The following NUTF2 variants were observed in gnomAD, a reference collection of about 807,000 sequenced individuals.
The protein encoded by NUTF2 is placental protein 15.
NUTF2 carries 3 observed loss-of-function variants against 18.5 expected under a neutral mutation model. The ratio of observed to expected loss-of-function variants is 0.16; its 90% CI spans 0.07 to 0.42. The LOEUF is 0.42. NUTF2 is among the 10% of genes least tolerant of loss of function. NUTF2 has a pLI of 0.99. For synonymous variants in NUTF2, 51 were observed against 57.9 expected (o/e 0.88, Z 0.54); for missense variants, 44 against 160.7 (o/e 0.27, Z 3.93).
chr16:67,848,770 A>AT (rs1284679851), intron 1 of NUTF2, among the ~76,000 whole-genome samples: 2 of 151,226 alleles, frequency 1.3e-5, no homozygotes, highest in Non-Finnish European at 3.0e-5. Flanking sequence ...AAAAAAAAAA[A>AT]GCAGCAGCAG....
chr16:67,864,440 C>T (rs951333541), intron 1 of NUTF2, among the ~76,000 whole-genome samples: 4 of 142,798 alleles, frequency 2.8e-5, no homozygotes, highest in Non-Finnish European at 6.0e-5. Flanking sequence ...GCCCAGGGAG[C>T]GGAGGTTGCA....
chr16:67,848,340 T>C (rs549889690), intron 1 of NUTF2, among the ~76,000 whole-genome samples: 2 of 152,262 alleles, frequency 1.3e-5, no homozygotes, highest in East Asian at 3.9e-4. Flanking sequence ...CCCAGCACTT[T>C]GGGAGGCCAA....
intron 1 of NUTF2, among the ~76,000 whole-genome samples, chr16:67,858,017 G>A (rs1188275822): frequency 1.3e-5 from 2 of 152,206 alleles, no homozygotes; most frequent in East Asian, 3.8e-4. Flanking sequence ...TTTGAGGGCT[G>A]GGCCAGGTAC....
rs372570076 is a variant in NUTF2, at chr16:67,868,509, G to A, written c.180G>A (p.Pro60=). 66 of 1,613,902 alleles carry A rather than the reference G, an allele frequency of 4.1e-5. No homozygotes were observed. In the Middle Eastern group the frequency reaches 8.2e-4, roughly 20 times the overall value. ...CACTCTCTCTCTTGTAGAGCCTTCC[G>A]TTCCAGAAAATTCAGCACAGCATCA... ...AAIVEKLSSL[P]FQKIQHSITA... is the part of the protein sequence containing the mutation. Residue 60 remains proline (P), a synonymous_variant, in exon 4 of 5, where the codon CCG becomes CCA. Coordinates refer to ENST00000219169, the MANE Select transcript of NUTF2 (RefSeq NM_005796.3).
At chr16:67,863,658 A>T (rs2057949484) in intron 1 of NUTF2, among the ~76,000 whole-genome samples, 1 of 152,208 alleles carries the variant, frequency 6.6e-6, no homozygotes, top group South Asian at 2.1e-4. Flanking sequence ...GACTTGCATC[A>T]GATCCCACCA....
At chr16:67,865,356 G>T in intron 2 of NUTF2, 127 bp downstream of exon 2, 1 of 639,812 alleles carries the variant, frequency 1.6e-6, no homozygotes, top group Non-Finnish European at 2.8e-6. Flanking sequence ...CTGAACTTTT[G>T]TCCACGGGAC....
intron 1 of NUTF2, among the ~76,000 whole-genome samples, chr16:67,859,241 G>A (rs1390567031): frequency 6.6e-6 from 1 of 151,466 alleles, no homozygotes; most frequent in African/African-American, 2.4e-5. Flanking sequence ...GTGCAGTGGG[G>A]TGTTCTCAGC....
intron 1 of NUTF2, among the ~76,000 whole-genome samples, chr16:67,851,606 C>T (rs894564374): frequency 5.3e-5 from 8 of 152,064 alleles, no homozygotes; most frequent in Non-Finnish European, 4.4e-5. Flanking sequence ...GTGCTGCACC[C>T]ATTAACTCGT....
chr16:67,850,782 T>C (rs561181143), intron 1 of NUTF2, among the ~76,000 whole-genome samples: 57 of 152,198 alleles, frequency 3.7e-4, no homozygotes, highest in Middle Eastern at 3.4e-3. Context: ...TGTCCCTTCG[T>C]GTATAGGAGC....
chr16:67,847,449 C>T (rs1157684292), intron 1 of NUTF2: 2 of 152,346 alleles, frequency 1.3e-5, no homozygotes, highest in Admixed American at 6.5e-5. Context: ...GCTCCAGAGT[C>T]AGCATGGGTA....
At chr16:67,862,860 T>C (rs1426044584) in intron 1 of NUTF2, among the ~76,000 whole-genome samples, 1 of 152,158 alleles carries the variant, frequency 6.6e-6, no homozygotes, top group African/African-American at 2.4e-5. Flanking sequence ...GCTGGTGCTG[T>C]TTCTTCTGGT....
At chr16:67,861,960 G>A (rs2057938020) in intron 1 of NUTF2, among the ~76,000 whole-genome samples, 1 of 152,112 alleles carries the variant, frequency 6.6e-6, no homozygotes, top group African/African-American at 2.4e-5. Context: ...GGTGGGGATC[G>A]CAGGAGGGGA....
At chr16:67,867,027 A>C (rs1391643203) in intron 2 of NUTF2, among the ~76,000 whole-genome samples, 1 of 149,760 alleles carries the variant, frequency 6.7e-6, no homozygotes, top group Non-Finnish European at 1.5e-5. Flanking sequence ...ACTGGAGTGC[A>C]TTCATGCGAT....
chr16:67,862,331 T>A (rs1234033838), intron 1 of NUTF2, among the ~76,000 whole-genome samples: 1 of 152,116 alleles, frequency 6.6e-6, no homozygotes, highest in African/African-American at 2.4e-5. Context: ...TACTTGGAAA[T>A]AAACACAAGA....
intron 1 of NUTF2, among the ~76,000 whole-genome samples, chr16:67,848,316 C>T (rs1418750644): frequency 6.6e-6 from 1 of 152,220 alleles, no homozygotes; most frequent in African/African-American, 2.4e-5. Flanking sequence ...GGCGCGGTGG[C>T]TCACGCCTGC....
At chr16:67,856,557 G>T (rs1420576303) in intron 1 of NUTF2, among the ~76,000 whole-genome samples, 2 of 149,648 alleles carry the variant, frequency 1.3e-5, no homozygotes, top group Non-Finnish European at 3.0e-5. Flanking sequence ...TGCCCAGGCT[G>T]GAGTGCAGTG....
chr16:67,853,278 ACCT>A (rs1331621821), intron 1 of NUTF2, among the ~76,000 whole-genome samples: 1 of 151,238 alleles, frequency 6.6e-6, no homozygotes, highest in Non-Finnish European at 1.5e-5. Flanking sequence ...TGCAGCCTTG[ACCT>A]CCTGGGCTCA....
At chr16:67,864,190 T>G (rs2057953077) in intron 1 of NUTF2, among the ~76,000 whole-genome samples, 2 of 152,140 alleles carry the variant, frequency 1.3e-5, no homozygotes, top group African/African-American at 4.8e-5. Context: ...CCCATGAGAC[T>G]AAGGGATCAC....
rs1414521720 is a variant in NUTF2, at chr16:67,856,521, T to G, written c.-29-8581T>G. On this transcript the variant is annotated intron_variant, in intron 1 of 4. Coordinates refer to ENST00000219169, the MANE Select transcript of NUTF2 (RefSeq NM_005796.3). ...TTTTTTTTTTTTGCTTTTGTTTTCC[T>G]TTTTGAGTCGGAGTTTTGCTCTCGT... Among the ~76,000 whole-genome samples the G allele has an allele frequency of 2.7e-5, 4 of 146,986 alleles. No homozygotes were observed. The South Asian group carries it at 8.8e-4, about 32-fold the overall frequency.
Sources: allele counts gnomAD v4.1 joint callset (sites outside exome capture counted in the v4.1 genomes callset), GRCh38; gene constraint gnomAD v4.1.1; transcripts MANE v1.5; gene names NCBI Gene and HGNC (gene_info 2026-07-23, HGNC 2026-07-21).